OC90: variants seen among roughly 807,000 people sequenced by gnomAD.
OC90 encodes otoconin-90.
OC90 carries 46 observed loss-of-function variants against 47.3 expected under a neutral mutation model. That is an observed-to-expected ratio of 0.97 (90% confidence interval 0.77 to 1.24). The LOEUF (loss-of-function observed/expected upper bound fraction) is 1.24, where lower values mean the gene tolerates loss of function less well. Among genes scored for constraint, OC90 ranks in the 50% most tolerant of loss-of-function variants. The pLI is 0.00. For synonymous variants in OC90, 271 were observed against 219.5 expected, an observed-to-expected ratio of 1.23 and a Z score of -2.07; for missense variants, 688 against 583.9, an observed-to-expected ratio of 1.18 and a Z score of -1.84.
chr8:132,032,807 G>A (rs1400870150), intron 11 of OC90, among the ~76,000 whole-genome samples: 3 of 152,058 alleles, frequency 2.0e-5, no homozygotes, highest in African/African-American at 7.2e-5. Flanking sequence ...CAAGGTCAGG[G>A]GCTCAGAAGA....
rs769776432 is a variant in OC90, at chr8:132,056,614, G to GTC, written c.-47-1543_-47-1542dup. ...GCTGGTTAACTTTCAAGGTGAGACAGTCTCCCTCACTGTTTGGTGGAAATT... is the reference window on the plus strand; with the variant it reads ...GCTGGTTAACTTTCAAGGTGAGACAGTCTCTCCCTCACTGTTTGGTGGAAATT... On this transcript the variant is annotated intron_variant, in intron 1 of 13. Coordinates refer to ENST00000254627, the MANE Select transcript of OC90 (RefSeq NM_001080399.3). 9.2e-5 allele frequency among the ~76,000 whole-genome samples: 14 copies of GTC among 152,288 alleles called. No homozygotes were observed. The East Asian group carries it at 1.9e-3, about 21-fold the overall frequency.
intron 1 of OC90, among the ~76,000 whole-genome samples, chr8:132,057,096 G>T (rs1289032276): frequency 6.6e-6 from 1 of 152,196 alleles, no homozygotes; most frequent in East Asian, 1.9e-4. Flanking sequence ...GTTAATCTTT[G>T]TGAGGCACAT....
At chr8:132,041,740 T>G in intron 4 of OC90, 41 bp from the exon 5 acceptor site, 1 of 1,320,594 alleles carries the variant, frequency 7.6e-7, no homozygotes, top group Non-Finnish European at 1.1e-6. Context: ...CACTGGGAAC[T>G]AGGACTAGGA....
At chr8:132,036,358 C>T (rs778734367) in intron 9 of OC90, 2 of 780,794 alleles carry the variant, frequency 2.6e-6, no homozygotes, top group East Asian at 2.4e-5. Flanking sequence ...TTTCCAAATT[C>T]CCCTCTGCTT....
intron 13 of OC90, among the ~76,000 whole-genome samples, chr8:132,028,807 G>GAAAA (rs377124546): frequency 8.9e-5 from 6 of 67,720 alleles, no homozygotes; most frequent in Admixed American, 8.4e-4. Context: ...AGGAAAGAAA[G>GAAAA]AAAGAAAGAA....
chr8:132,026,269 T>A (rs1822756416), intron 13 of OC90, among the ~76,000 whole-genome samples: 1 of 152,180 alleles, frequency 6.6e-6, no homozygotes, highest in Admixed American at 6.5e-5. Flanking sequence ...ATCCTTGTTA[T>A]CTGTGGTTTT....
chr8:132,034,485 G>T (rs1822924537), intron 10 of OC90, among the ~76,000 whole-genome samples: 1 of 152,166 alleles, frequency 6.6e-6, no homozygotes, highest in Non-Finnish European at 1.5e-5. Context: ...GCTCTCTGCT[G>T]AGTCTGAATA....
Position 132,057,963 on chromosome 8 carries a change from C to T in OC90, c.-48+1378G>A, listed in dbSNP as rs191030278. Among the ~76,000 whole-genome samples the T allele has an allele frequency of 7.9e-5, 12 of 152,336 alleles. No individual in the cohort carries two copies. The East Asian group carries it at 2.1e-3, about 27-fold the overall frequency. Reference sequence around the variant, plus strand: ...GCTCCAATACCCTAAACTGCTAGGCCGGTCCTTTGAGACAAACTAAGCATT... The same window carrying T: ...GCTCCAATACCCTAAACTGCTAGGCTGGTCCTTTGAGACAAACTAAGCATT... On this transcript the variant is annotated intron_variant, in intron 1 of 13. Transcript: ENST00000254627.
chr8:132,034,951 CT>C, intron 9 of OC90, 117 bp from the exon 10 acceptor site: 1 of 683,338 alleles, frequency 1.5e-6, no homozygotes, highest in East Asian at 2.7e-5. Context: ...CACTCTGCCC[CT>C]GGCCCACTTC....
chr8:132,045,978 G>A, intron 2 of OC90, 95 bp from the exon 3 acceptor site: 2 of 715,884 alleles, frequency 2.8e-6, no homozygotes, highest in Non-Finnish European at 5.0e-6. Flanking sequence ...ACAAACAATG[G>A]GAATTCACAT....
At chr8:132,032,141 G>T in intron 11 of OC90, 89 bp from the exon 12 acceptor site, 2 of 1,206,390 alleles carry the variant, frequency 1.7e-6, no homozygotes, top group Non-Finnish European at 2.4e-6. Flanking sequence ...GGTTGTATGT[G>T]GACAACTCTA....
At chr8:132,044,963 G>T (rs1353440633) in intron 3 of OC90, among the ~76,000 whole-genome samples, 2 of 152,210 alleles carry the variant, frequency 1.3e-5, no homozygotes, top group Non-Finnish European at 2.9e-5. Context: ...TACCTGAGTT[G>T]TTTGTTATCT....
At chr8:132,041,499 C>A in intron 5 of OC90, 26 bp downstream of exon 5, 1 of 1,586,278 alleles carries the variant, frequency 6.3e-7, no homozygotes, top group South Asian at 1.2e-5. Context: ...TTTTTTTGGT[C>A]TTGCTCACCT....
At chr8:132,027,198 G>T (rs1202503127) in intron 13 of OC90, among the ~76,000 whole-genome samples, 2 of 152,172 alleles carry the variant, frequency 1.3e-5, no homozygotes, top group African/African-American at 2.4e-5. Context: ...GATTAGAATA[G>T]TTAGTCGCTT....
chr8:132,050,000 T>C, intron 2 of OC90: 1 of 356,826 alleles, frequency 2.8e-6, no homozygotes, highest in Non-Finnish European at 6.0e-6. Context: ...ATGACTGCAT[T>C]ATAAGGGTTT....
At position 132,024,246 on chromosome 8, in the gene OC90, A is replaced by G; in HGVS notation, c.*235T>C. 2.3e-6 allele frequency: 1 copy of G among 426,010 alleles called. No individual in the cohort carries two copies. The highest frequency in any genetic ancestry group is 4.2e-6 in the Non-Finnish European group (1 of 239,712). 26.4% of individuals were successfully genotyped at this position (426,010 alleles called of 1,614,324 possible). On this transcript the variant is annotated 3_prime_UTR_variant, in exon 14 of 14. Transcript: ENST00000254627. ...ATTGGAGTATTTATTGAGCTTCCACAGTGCACTAAAGGAGCATGGAGGTAC... is the reference window on the plus strand; with the variant it reads ...ATTGGAGTATTTATTGAGCTTCCACGGTGCACTAAAGGAGCATGGAGGTAC...
At chr8:132,026,329 C>T (rs1215642145) in intron 13 of OC90, among the ~76,000 whole-genome samples, 6 of 152,172 alleles carry the variant, frequency 3.9e-5, no homozygotes, top group Admixed American at 3.9e-4. Flanking sequence ...TTGAAATGTT[C>T]ATCAACCAGA....
chr8:132,058,398 C>G (rs1391654234), intron 1 of OC90, among the ~76,000 whole-genome samples: 1 of 152,162 alleles, frequency 6.6e-6, no homozygotes, highest in African/African-American at 2.4e-5. Flanking sequence ...TCCTTGTGGG[C>G]CTGAGAAGGC....
At chr8:132,044,524 G>GT in intron 3 of OC90, 35 bp from the exon 4 acceptor site, 1 of 1,284,506 alleles carries the variant, frequency 7.8e-7, no homozygotes, top group East Asian at 2.5e-5. Flanking sequence ...GAGAGTCTTG[G>GT]TTTTTCCTTT....
Sources: gnomAD v4.1 joint callset for allele counts (sites outside exome capture counted in the v4.1 genomes callset) on GRCh38, gnomAD v4.1.1 for gene constraint, MANE v1.5 for transcripts, NCBI Gene and HGNC (gene_info 2026-07-23, HGNC 2026-07-21) for gene names.